KDM4C: variants seen among roughly 807,000 people sequenced by gnomAD.
The protein encoded by KDM4C is lysine demethylase 4C, also known as lysine-specific demethylase 4C.
KDM4C carries 81 observed loss-of-function variants against 129.3 expected under a neutral mutation model. The ratio of observed to expected loss-of-function variants is 0.63; its 90% CI spans 0.52 to 0.75. KDM4C has a LOEUF of 0.75. Ranked by LOEUF, KDM4C falls within the 30% of genes least tolerant of loss-of-function variation. The pLI, the probability that KDM4C is intolerant of heterozygous loss-of-function variation, is 0.00. For missense variants in KDM4C, 1,457 were observed against 1,304.0 expected, an observed-to-expected ratio of 1.12 and a Z score of -1.81; for synonymous variants, 573 against 456.1, an observed-to-expected ratio of 1.26 and a Z score of -3.26.
chr9:6,730,305 G>A (rs1347904112), intron 1 of KDM4C, among the ~76,000 whole-genome samples: 1 of 152,024 alleles, frequency 6.6e-6, no homozygotes, highest in Non-Finnish European at 1.5e-5. Flanking sequence ...AACTTCAACT[G>A]AATTAAATTT....
intron 1 of KDM4C, among the ~76,000 whole-genome samples, chr9:6,739,463 C>G (rs528742863): frequency 6.6e-6 from 1 of 152,146 alleles, no homozygotes; most frequent in East Asian, 1.9e-4. Flanking sequence ...TCACTGGACA[C>G]AATCATGTGT....
At chr9:7,174,182 TG>T (rs1467088870) in intron 21 of KDM4C, among the ~76,000 whole-genome samples, 1 of 151,924 alleles carries the variant, frequency 6.6e-6, no homozygotes, top group Non-Finnish European at 1.5e-5. Flanking sequence ...AGGGAAGGGG[TG>T]GGGCAGAGGC....
At chr9:6,775,635 G>A (rs1284974835) in intron 1 of KDM4C, among the ~76,000 whole-genome samples, 1 of 151,876 alleles carries the variant, frequency 6.6e-6, no homozygotes, top group African/African-American at 2.4e-5. Context: ...CAATTCTTCT[G>A]CCTCAGCCTC....
At chr9:7,022,638 T>TTTC (rs57337164) in intron 15 of KDM4C, among the ~76,000 whole-genome samples, 13,878 of 52,368 alleles carry the variant, frequency 0.27, 897 homozygotes, top group African/African-American at 0.44. Flanking sequence ...CCTTTATTTC[T>TTTC]TTTTTTTTTT....
chr9:7,095,470 A>G (rs899443273), intron 17 of KDM4C, among the ~76,000 whole-genome samples: 1 of 152,070 alleles, frequency 6.6e-6, no homozygotes, highest in African/African-American at 2.4e-5. Context: ...CCTTGCTTCC[A>G]TAATGCCAAT....
At position 7,137,095 on chromosome 9, in the gene KDM4C, G is replaced by A. The variant is rs112830424; in HGVS notation, c.2781+8859G>A. Among the ~76,000 whole-genome samples the A allele has an allele frequency of 6.1e-3, 931 of 152,286 alleles. 3 individuals are homozygous for A. The highest frequency in any genetic ancestry group is 0.011 in the Non-Finnish European group (726 of 68,030). On this transcript the variant is annotated intron_variant, in intron 19 of 21. Transcript: ENST00000381309. ...AAAAACTTTGAAACCACTGGTTCAGGTGAAGTCGATCATTACCTGCTATTT... is the reference window on the plus strand; with the variant it reads ...AAAAACTTTGAAACCACTGGTTCAGATGAAGTCGATCATTACCTGCTATTT...
chr9:7,112,055 G>A (rs1016185296), intron 18 of KDM4C, among the ~76,000 whole-genome samples: 6 of 152,024 alleles, frequency 3.9e-5, no homozygotes, highest in African/African-American at 1.2e-4. Context: ...TCTCACATGC[G>A]CCCACATGCA....
At chr9:7,073,833 A>G (rs1833544419) in intron 17 of KDM4C, among the ~76,000 whole-genome samples, 1 of 152,178 alleles carries the variant, frequency 6.6e-6, no homozygotes. Context: ...AAGCTTTGAC[A>G]AACAGTTGGT....
At chr9:6,810,477 G>C (rs1469629325) in intron 3 of KDM4C, among the ~76,000 whole-genome samples, 1 of 152,170 alleles carries the variant, frequency 6.6e-6, no homozygotes, top group Admixed American at 6.5e-5. Flanking sequence ...CTGGGGTTTA[G>C]AGATGGTTTA....
At chr9:6,954,625 C>T (rs1047164486) in intron 8 of KDM4C, among the ~76,000 whole-genome samples, 1 of 152,128 alleles carries the variant, frequency 6.6e-6, no homozygotes, top group Non-Finnish European at 1.5e-5. Context: ...AGTTTGGATT[C>T]ATAGCTTTGA....
At chr9:6,841,964 T>G (rs998885196) in intron 4 of KDM4C, among the ~76,000 whole-genome samples, 10 of 152,244 alleles carry the variant, frequency 6.6e-5, no homozygotes, top group African/African-American at 2.4e-4. Context: ...CTTTGTGTTT[T>G]GCCATTTTAC....
upstream of KDM4C, chr9:6,757,864 G>A: frequency 2.0e-6 from 2 of 985,598 alleles, no homozygotes; most frequent in South Asian, 4.7e-5. Context: ...CGGAAGTTGA[G>A]CCCAAAGCAA....
intron 1 of KDM4C, among the ~76,000 whole-genome samples, chr9:6,787,949 A>G (rs1443392180): frequency 2.0e-5 from 3 of 152,092 alleles, no homozygotes; most frequent in Non-Finnish European, 2.9e-5. Flanking sequence ...TTTTCTCCCC[A>G]GTTTCATTTC....
intron 3 of KDM4C, among the ~76,000 whole-genome samples, chr9:6,812,543 C>A (rs1348472954): frequency 1.3e-5 from 2 of 152,144 alleles, no homozygotes; most frequent in Non-Finnish European, 2.9e-5. Flanking sequence ...AAGGAGTGTG[C>A]AACCTAGACC....
chr9:6,745,661 C>A lies in KDM4C; in HGVS notation c.49+24664C>A, dbSNP rs888691413. Among the ~76,000 whole-genome samples, 7 of 151,238 alleles carry A rather than the reference C, an allele frequency of 4.6e-5. No individual in the cohort carries two copies. In the South Asian group the frequency reaches 1.0e-3, roughly 23 times the overall value. On this transcript the variant is annotated intron_variant, in intron 1 of 17. Transcript: ENST00000536108. ...TATATTTTATTTTATTTTTTTGAGA[C>A]GGAGTCTCACTCTGTTGCCCTGGCT...
chr9:6,995,880 C>G (rs888025022), intron 12 of KDM4C, among the ~76,000 whole-genome samples: 3 of 137,870 alleles, frequency 2.2e-5, no homozygotes, highest in Admixed American at 1.4e-4. Context: ...ACTGTGTTAG[C>G]CAGGATGGTC....
chr9:6,948,688 T>TA (rs1827453346), intron 8 of KDM4C, among the ~76,000 whole-genome samples: 1 of 151,780 alleles, frequency 6.6e-6, no homozygotes, highest in African/African-American at 2.4e-5. Context: ...TGATGACTCT[T>TA]AACGAGCATG....
intron 8 of KDM4C, among the ~76,000 whole-genome samples, chr9:6,934,291 C>G (rs972280909): frequency 6.6e-6 from 1 of 151,652 alleles, no homozygotes; most frequent in African/African-American, 2.4e-5. Flanking sequence ...ACTATCCTGG[C>G]TAACATGGTG....
chr9:6,995,895 T>TC (rs149408572), intron 12 of KDM4C, among the ~76,000 whole-genome samples: 1 of 151,704 alleles, frequency 6.6e-6, no homozygotes, highest in Non-Finnish European at 1.5e-5. Flanking sequence ...ATGGTCTCGA[T>TC]CTGACCTCGT....
Sources: gnomAD v4.1 joint callset for allele counts (sites outside exome capture counted in the v4.1 genomes callset) on GRCh38, gnomAD v4.1.1 for gene constraint, MANE v1.5 for transcripts, NCBI Gene and HGNC (gene_info 2026-07-23, HGNC 2026-07-21) for gene names.